Variants in ECT2 observed in about 807,000 individuals in gnomAD.
The protein encoded by ECT2 is epithelial cell transforming 2.
ECT2 carries 61 observed loss-of-function variants against 116.9 expected under a neutral mutation model. The ratio of observed to expected loss-of-function variants is 0.52; its 90% CI spans 0.42 to 0.65. ECT2 has a LOEUF of 0.65. Ranked by LOEUF, ECT2 falls within the 30% of genes least tolerant of loss-of-function variation. The pLI is 0.00. For synonymous variants in ECT2, 358 were observed against 346.4 expected (o/e 1.03, Z -0.37); for missense variants, 937 against 1,078.7 (o/e 0.87, Z 1.84).
intron 14 of ECT2, among the ~76,000 whole-genome samples, chr3:172,779,215 C>T: frequency 6.6e-6 from 1 of 152,144 alleles, no homozygotes; most frequent in East Asian, 1.9e-4. Flanking sequence ...AGTATTTAAA[C>T]CTCAGTAGTC....
chr3:172,819,454 T>TA (rs1730360404), intron 24 of ECT2, among the ~76,000 whole-genome samples: 1 of 152,136 alleles, frequency 6.6e-6, no homozygotes, highest in East Asian at 1.9e-4. Context: ...TAATCACTGT[T>TA]ATCCAGAAGG....
chr3:172,780,479 G>C (rs890267155), intron 14 of ECT2, among the ~76,000 whole-genome samples: 1 of 152,116 alleles, frequency 6.6e-6, no homozygotes, highest in Non-Finnish European at 1.5e-5. Flanking sequence ...GCATTGATGA[G>C]CTATATGGTA....
intron 14 of ECT2, among the ~76,000 whole-genome samples, chr3:172,778,959 A>G (rs192258550): frequency 2.2e-4 from 33 of 152,282 alleles, no homozygotes; most frequent in Admixed American, 1.9e-3. Flanking sequence ...AGAGCAGACT[A>G]TATTTCAGAG....
intron 18 of ECT2, among the ~76,000 whole-genome samples, chr3:172,787,219 A>G (rs538086848): frequency 7.2e-5 from 11 of 152,266 alleles, no homozygotes; most frequent in Non-Finnish European, 1.0e-4. Flanking sequence ...AGTGGACTGT[A>G]TATATCAGTA....
rs1320979221 is a variant in ECT2, at chr3:172,806,593, TA to T, written c.2245+725del. ...TGAAAGGTTTCAGTTTGTGAGAAAT[TA>T]TTCTTTTTTTTTTTTTTTTCCTTTA... On this transcript the variant is annotated intron_variant, in intron 21 of 24. Transcript: ENST00000392692. Among the ~76,000 whole-genome samples, 9 of 148,740 alleles carry T rather than the reference TA, an allele frequency of 6.1e-5. No individual in the cohort carries two copies. The East Asian group carries it at 1.2e-3, about 20-fold the overall frequency.
rs779586664 is a variant in ECT2, at chr3:172,754,617, T to C, written c.87T>C (p.Ile29=). 1.2e-6 allele frequency: 2 copies of C among 1,612,174 alleles called. No homozygotes were observed. Among genetic ancestry groups the C allele is most frequent in the Non-Finnish European group, 1.7e-6 (2 of 1,178,832 alleles). Residue 29 remains isoleucine (I), a synonymous_variant, in exon 2 of 25, where the codon ATT becomes ATC. Coordinates refer to ENST00000392692, the MANE Select transcript of ECT2 (RefSeq NM_001258315.2). Reference sequence around the variant, plus strand: ...TTTTTGATTCTAAAGTTACTGAGATTTCCAAGGAAAACTTACTTATTGGAT... The same window carrying C: ...TTTTTGATTCTAAAGTTACTGAGATCTCCAAGGAAAACTTACTTATTGGAT... ...SSIFDSKVTE[I]SKENLLIGST... is the part of the protein sequence containing the mutation.
chr3:172,760,082 ATG>A, intron 6 of ECT2, 72 bp from the exon 7 acceptor site: 1 of 852,560 alleles, frequency 1.2e-6, no homozygotes, highest in Admixed American at 2.7e-5. Flanking sequence ...CAAATGCTAA[ATG>A]TGGGGTAAAC....
At chr3:172,762,342 A>G in intron 8 of ECT2, 74 bp from the exon 9 acceptor site, 1 of 1,416,806 alleles carries the variant, frequency 7.1e-7, no homozygotes, top group Non-Finnish European at 9.6e-7. Context: ...AAATTACTGT[A>G]GGTTTGTAAA....
intron 18 of ECT2, among the ~76,000 whole-genome samples, chr3:172,792,192 AAAT>A (rs1206947292): frequency 6.6e-6 from 1 of 152,204 alleles, no homozygotes; most frequent in Non-Finnish European, 1.5e-5. Flanking sequence ...ATAACAGATA[AAAT>A]AATAATGAGA....
intron 21 of ECT2, chr3:172,806,092 A>G: frequency 5.0e-6 from 2 of 402,862 alleles, no homozygotes; most frequent in Non-Finnish European, 8.9e-6. Context: ...CCTATAGGAT[A>G]CCCTCATCTG....
rs867134432 is a variant in ECT2, at chr3:172,768,946, A to G, written c.1292-61A>G. On this transcript the variant is annotated intron_variant, in intron 12 of 24. Coordinates refer to ENST00000392692, the MANE Select transcript of ECT2 (RefSeq NM_001258315.2). Reference sequence around the variant, plus strand: ...CTCTCCTTTTTATCTTGTTAAGTCTACATAATGTTTGGTATTTATATTTGG... The same window carrying G: ...CTCTCCTTTTTATCTTGTTAAGTCTGCATAATGTTTGGTATTTATATTTGG... 22 of 1,460,272 alleles carry G rather than the reference A, an allele frequency of 1.5e-5. No individual in the cohort carries two copies. The Admixed American group carries it at 4.3e-4, about 28-fold the overall frequency. 90.5% of individuals were successfully genotyped at this position (1,460,272 alleles called of 1,614,324 possible). A position where few individuals can be genotyped will look rare whatever the true frequency, so the allele number is the denominator to read the frequency against.
chr3:172,790,235 T>C (rs1724416740), intron 18 of ECT2, among the ~76,000 whole-genome samples: 2 of 152,218 alleles, frequency 1.3e-5, no homozygotes, highest in African/African-American at 4.8e-5. Context: ...TTTCTTTTTC[T>C]TTCTTTTTTT....
At chr3:172,775,237 C>G (rs1721433347) in intron 14 of ECT2, among the ~76,000 whole-genome samples, 1 of 152,180 alleles carries the variant, frequency 6.6e-6, no homozygotes, top group South Asian at 2.1e-4. Context: ...CAAAATAACT[C>G]ACATTAATAT....
chr3:172,782,084 T>G (rs532064430), intron 14 of ECT2, 79 bp from the exon 15 acceptor site: 10 of 745,852 alleles, frequency 1.3e-5, no homozygotes, highest in Admixed American at 3.0e-5. Flanking sequence ...TTCTTTCCAA[T>G]GAGTATCTCA....
At chr3:172,769,456 G>A (rs1282628267) in intron 13 of ECT2, among the ~76,000 whole-genome samples, 1 of 152,084 alleles carries the variant, frequency 6.6e-6, no homozygotes, top group Non-Finnish European at 1.5e-5. Context: ...TTTATATTTG[G>A]AAGTGATAGA....
intron 22 of ECT2, among the ~76,000 whole-genome samples, chr3:172,809,411 T>C (rs187148636): frequency 2.5e-4 from 38 of 152,276 alleles, no homozygotes; most frequent in African/African-American, 9.1e-4. Context: ...ACAAAATTCT[T>C]TCAATCTATT....
At chr3:172,810,403 A>G (rs1347006123) in intron 22 of ECT2, among the ~76,000 whole-genome samples, 3 of 152,206 alleles carry the variant, frequency 2.0e-5, no homozygotes, top group Admixed American at 2.0e-4. Flanking sequence ...TTCTAACTGC[A>G]TGAGAAATAG....
intron 17 of ECT2, among the ~76,000 whole-genome samples, chr3:172,785,669 G>T (rs906851058): frequency 4.7e-4 from 71 of 152,022 alleles, no homozygotes; most frequent in African/African-American, 1.6e-3. Context: ...TAAAAATCTT[G>T]GTTAGTATAT....
At chr3:172,789,867 T>C (rs1483741178) in intron 18 of ECT2, among the ~76,000 whole-genome samples, 1 of 152,212 alleles carries the variant, frequency 6.6e-6, no homozygotes, top group African/African-American at 2.4e-5. Flanking sequence ...TGTAGTCCAC[T>C]TGCCATTTCT....
Sources: gnomAD v4.1 joint callset for allele counts (sites outside exome capture counted in the v4.1 genomes callset) on GRCh38, gnomAD v4.1.1 for gene constraint, MANE v1.5 for transcripts, NCBI Gene and HGNC (gene_info 2026-07-23, HGNC 2026-07-21) for gene names.